TMEM245: variants seen among roughly 807,000 people sequenced by gnomAD.
TMEM245 encodes transmembrane protein 245.
TMEM245 carries 69 observed loss-of-function variants against 101.2 expected under a neutral mutation model. That is an observed-to-expected ratio of 0.68 (90% confidence interval 0.56 to 0.83). The LOEUF (loss-of-function observed/expected upper bound fraction) is 0.83, where lower values mean the gene tolerates loss of function less well. Among genes scored for constraint, TMEM245 ranks in the 40% least tolerant of loss-of-function variants. TMEM245 has a pLI of 0.00. For synonymous variants in TMEM245, 537 were observed against 449.8 expected (o/e 1.19, Z -2.45); for missense variants, 1,075 against 1,092.8 (o/e 0.98, Z 0.23).
intron 14 of TMEM245, chr9:109,046,196 G>A (rs1828484482): frequency 3.8e-6 from 2 of 532,358 alleles, no homozygotes; most frequent in South Asian, 2.8e-5. Flanking sequence ...ATCCCAGCAA[G>A]CAAGAGCCAT....
chr9:109,111,166 A>G (rs1346623022), intron 1 of TMEM245, among the ~76,000 whole-genome samples: 1 of 152,198 alleles, frequency 6.6e-6, no homozygotes, highest in African/African-American at 2.4e-5. Context: ...TGGGAGAGGC[A>G]TAAGACTTGA....
intron 17 of TMEM245, among the ~76,000 whole-genome samples, chr9:109,022,446 G>A (rs900176445): frequency 3.4e-5 from 5 of 146,516 alleles, no homozygotes; most frequent in Admixed American, 6.9e-5. Context: ...ATTTGTATAC[G>A]CACATGTATG....
chr9:109,018,522 A>G lies in TMEM245; in HGVS notation c.*1938T>C, dbSNP rs903300757. ...TCGCTAAAATATTCATAATAGAAAT[A>G]AAGAGATCTGTATGCAGTCTACTCC... On this transcript the variant is annotated 3_prime_UTR_variant, in exon 18 of 18. Coordinates refer to ENST00000374586, the MANE Select transcript of TMEM245 (RefSeq NM_032012.4). The G allele has an allele frequency of 1.3e-5, 2 of 152,208 alleles. No individual in the cohort carries two copies. Among genetic ancestry groups the G allele is most frequent in the Non-Finnish European group, 2.9e-5 (2 of 68,046 alleles). 9.4% of individuals were successfully genotyped at this position (152,208 alleles called of 1,614,324 possible).
intron 3 of TMEM245, among the ~76,000 whole-genome samples, chr9:109,101,780 ACTACT>A (rs1038129320): frequency 6.6e-6 from 1 of 152,214 alleles, no homozygotes; most frequent in African/African-American, 2.4e-5. Context: ...TCAGCACATC[ACTACT>A]CTAAGTTTAT....
At chr9:109,116,530 T>G in intron 1 of TMEM245, among the ~76,000 whole-genome samples, 1 of 143,496 alleles carries the variant, frequency 7.0e-6, no homozygotes. Context: ...TAATCAGCAC[T>G]TTTTTTTTTC....
chr9:109,060,309 G>T, intron 11 of TMEM245, 45 bp downstream of exon 11: 1 of 1,347,790 alleles, frequency 7.4e-7, no homozygotes, highest in South Asian at 1.3e-5. Context: ...TCAATAAAAG[G>T]ACTTTATTAG....
chr9:109,021,075 A>G (rs1270723670), intron 17 of TMEM245, among the ~76,000 whole-genome samples: 1 of 152,212 alleles, frequency 6.6e-6, no homozygotes, highest in African/African-American at 2.4e-5. Flanking sequence ...CTAAGCGAAC[A>G]ATGTTATTGG....
intron 3 of TMEM245, among the ~76,000 whole-genome samples, chr9:109,105,275 C>T (rs181299191): frequency 1.3e-5 from 2 of 152,026 alleles, no homozygotes; most frequent in African/African-American, 2.4e-5. Context: ...TTAGTCATTA[C>T]GGAAATGCAA....
At position 109,057,242 on chromosome 9, in the gene TMEM245, G is replaced by C. The variant is rs1490884791; in HGVS notation, c.1803C>G (p.Asp601Glu). The change falls in exon 12 of 18, where the codon GAC becomes GAG. Residue 601 changes from aspartate (D) to glutamate (E), a missense_variant. By Grantham distance (45) the Asp-to-Glu change is conservative (BLOSUM62 2). Transcript: ENST00000374586. ...RQNSWLGDIL[D>E]WQDIVSFVHE... ...GAACAAAGGAAACAATATCCTGCCA[G>C]TCCAGAATGTCTCCCAGCCAGCTAT... is the stretch of plus-strand genomic sequence containing the variant. The C allele has an allele frequency of 6.2e-7, 1 of 1,614,116 alleles. No individual in the cohort carries two copies. Among genetic ancestry groups the C allele is most frequent in the Non-Finnish European group, 8.5e-7 (1 of 1,179,980 alleles).
chr9:109,087,280 G>C lies in TMEM245; in HGVS notation c.1213C>G (p.His405Asp). 1 of 1,613,410 alleles carries C rather than the reference G, an allele frequency of 6.2e-7. No homozygotes were observed. Among genetic ancestry groups the C allele is most frequent in the Non-Finnish European group, 8.5e-7 (1 of 1,179,670 alleles). Residue 405 changes from histidine (H) to aspartate (D), a missense_variant, in exon 6 of 18, where the codon CAT (histidine) becomes GAT (aspartate). Physicochemically the swap from His to Asp is moderately conservative, Grantham distance 81 (BLOSUM62 -1). Coordinates refer to ENST00000374586, the MANE Select transcript of TMEM245 (RefSeq NM_032012.4). ...CTTTCTATAATGCCCCACCACACAT[G>C]GTAGCGTTTCTCTAGGAAATCCACA... The part of the protein sequence containing the change: ...GVVDFLEKRY[H>D]VWWGIIESFL...
chr9:109,110,098 T>C (rs1362397451), intron 1 of TMEM245, among the ~76,000 whole-genome samples: 1 of 152,104 alleles, frequency 6.6e-6, no homozygotes, highest in Admixed American at 6.6e-5. Flanking sequence ...AGCTCAAAAA[T>C]ATGAGGACAT....
At chr9:109,079,898 A>G (rs1829619514) in intron 8 of TMEM245, among the ~76,000 whole-genome samples, 3 of 152,266 alleles carry the variant, frequency 2.0e-5, no homozygotes, top group African/African-American at 7.2e-5. Context: ...ACGTGACTAT[A>G]CATAATTAAT....
chr9:109,031,729 T>A (rs1427676887), intron 17 of TMEM245, among the ~76,000 whole-genome samples: 1 of 152,226 alleles, frequency 6.6e-6, no homozygotes, highest in East Asian at 1.9e-4. Context: ...TATTTAGAGG[T>A]ACATTTGGCT....
intron 17 of TMEM245, among the ~76,000 whole-genome samples, chr9:109,022,853 A>G (rs750542835): frequency 3.3e-5 from 5 of 152,158 alleles, no homozygotes; most frequent in African/African-American, 9.7e-5. Flanking sequence ...CTAATACCCA[A>G]CGGGGTTCCC....
intron 10 of TMEM245, among the ~76,000 whole-genome samples, chr9:109,063,431 T>C (rs1406009615): frequency 6.6e-6 from 1 of 152,234 alleles, no homozygotes; most frequent in Admixed American, 6.5e-5. Flanking sequence ...TGATTCCATA[T>C]ATGTGTATAC....
rs1323737684 is a variant in TMEM245, at chr9:109,050,414, G to A, written c.1992C>T (p.Thr664=). 1 of 1,613,708 alleles carries A rather than the reference G, an allele frequency of 6.2e-7. No individual in the cohort carries two copies. Among genetic ancestry groups the A allele is most frequent in the African/African-American group, 1.3e-5 (1 of 74,854 alleles). Residue 664 remains threonine, a synonymous_variant, in exon 14 of 18, where the codon ACC becomes ACT. Transcript: ENST00000374586. ...TGGAACTTAATAGATAAAATAGTGT[G>A]GTCAGGAAAATTATCTGCAAAACAA... ...NFVLSLIIFL[T]TLFYLLSSSD...
intron 12 of TMEM245, among the ~76,000 whole-genome samples, chr9:109,055,923 C>G (rs1036594679): frequency 6.6e-6 from 1 of 152,146 alleles, no homozygotes; most frequent in African/African-American, 2.4e-5. Context: ...CATAAGCCAC[C>G]ACGCCCGGCC....
chr9:109,022,905 C>T (rs1238706718), intron 17 of TMEM245, among the ~76,000 whole-genome samples: 2 of 152,182 alleles, frequency 1.3e-5, no homozygotes, highest in Non-Finnish European at 2.9e-5. Flanking sequence ...AATTTTATAT[C>T]TATTAACTAT....
intron 7 of TMEM245, among the ~76,000 whole-genome samples, chr9:109,084,255 T>C (rs1452848955): frequency 1.3e-5 from 2 of 152,158 alleles, no homozygotes; most frequent in Non-Finnish European, 2.9e-5. Context: ...TTTTCTGACT[T>C]TGAGATGTAA....
Sources: allele counts gnomAD v4.1 joint callset (sites outside exome capture counted in the v4.1 genomes callset), GRCh38; gene constraint gnomAD v4.1.1; transcripts MANE v1.5; gene names NCBI Gene and HGNC (gene_info 2026-07-23, HGNC 2026-07-21).